VWA8: variants seen among roughly 807,000 people sequenced by gnomAD.
VWA8 encodes von Willebrand factor A domain-containing protein 8.
Under a neutral mutation model 241.5 loss-of-function variants are expected in VWA8, and 221 were observed. The observed-to-expected ratio is 0.91, with a 90% CI of 0.82 to 1.02. The LOEUF is 1.02. Among genes scored for constraint, VWA8 ranks in the 50% least tolerant of loss-of-function variants. VWA8 has a pLI of 0.00. For synonymous variants in VWA8, 852 were observed against 827.1 expected (o/e 1.03, Z -0.52); for missense variants, 2,322 against 2,328.7 (o/e 1.00, Z 0.06).
chr13:41,929,930 CA>C (rs569118025), intron 2 of VWA8, among the ~76,000 whole-genome samples: 223 of 152,094 alleles, frequency 1.5e-3, no homozygotes, highest in African/African-American at 5.1e-3. Context: ...AGAAAACAAT[CA>C]ACAAAATGAA....
chr13:41,907,783 C>A lies in VWA8; in HGVS notation c.373-87G>T, dbSNP rs565760993. 161 of 1,157,074 alleles carry A rather than the reference C, an allele frequency of 1.4e-4. No individual in the cohort carries two copies. In the African/African-American group the frequency reaches 2.1e-3, roughly 15 times the overall value. The allele number at this position is 1,157,074 out of a possible 1,614,324, so 71.7% of individuals were successfully genotyped here. On this transcript the variant is annotated intron_variant, in intron 3 of 44. Transcript: ENST00000379310. ...AACTAGTTATCTGACAATGCCATTG[C>A]CCATGAGAAGTGCATTGTTAAACCT...
chr13:41,632,217 T>C (rs1242373481), intron 37 of VWA8, among the ~76,000 whole-genome samples: 3 of 152,214 alleles, frequency 2.0e-5, no homozygotes, highest in Non-Finnish European at 1.5e-5. Context: ...CAATGATCTC[T>C]CATGGCATTT....
intron 26 of VWA8, among the ~76,000 whole-genome samples, chr13:41,717,874 C>T (rs1028262782): frequency 6.6e-6 from 1 of 151,958 alleles, no homozygotes; most frequent in Non-Finnish European, 1.5e-5. Flanking sequence ...TGTTTCTATC[C>T]CCTTGTAATG....
intron 37 of VWA8, among the ~76,000 whole-genome samples, chr13:41,648,198 T>G (rs1006288467): frequency 6.6e-6 from 1 of 152,176 alleles, no homozygotes; most frequent in Non-Finnish European, 1.5e-5. Flanking sequence ...ATCTGATCAC[T>G]GGTAATAATG....
At chr13:41,960,304 C>CT (rs1168938544) in intron 1 of VWA8, among the ~76,000 whole-genome samples, 2 of 152,162 alleles carry the variant, frequency 1.3e-5, no homozygotes, top group Admixed American at 1.3e-4. Context: ...ACTGTCAGCT[C>CT]TAAGAATTAC....
intron 2 of VWA8, chr13:41,927,373 A>T (rs1175953640): frequency 1.9e-6 from 1 of 520,290 alleles, no homozygotes; most frequent in Non-Finnish European, 3.9e-6. Flanking sequence ...TGCAAGTTGT[A>T]TAAGTCAAGC....
In VWA8 at chr13:41,710,120, C is replaced by T. The variant is rs181103913; in HGVS notation, c.3117-6709G>A. 3.9e-4 allele frequency among the ~76,000 whole-genome samples: 59 copies of T among 152,250 alleles called. 1 individual carries two copies. The highest frequency in any genetic ancestry group is 1.8e-4 in the Non-Finnish European group (12 of 68,016). ...ATATTATAACTGCCAACATTTTGAC[C>T]TACTTGTTTCTCATCTCAACGGCAA... On this transcript the variant is annotated intron_variant, in intron 26 of 44. Transcript: ENST00000379310.
At chr13:41,708,391 A>C (rs1039547638) in intron 26 of VWA8, among the ~76,000 whole-genome samples, 2 of 152,168 alleles carry the variant, frequency 1.3e-5, no homozygotes, top group African/African-American at 4.8e-5. Flanking sequence ...GTACTAAAAG[A>C]AAAAGCCAGC....
intron 21 of VWA8, among the ~76,000 whole-genome samples, chr13:41,747,611 C>T (rs953336434): frequency 1.3e-5 from 2 of 152,072 alleles, no homozygotes; most frequent in Admixed American, 1.3e-4. Flanking sequence ...GCCTGATTGC[C>T]CTGGCCAGAA....
chr13:41,801,045 T>G (rs989266915), intron 17 of VWA8, among the ~76,000 whole-genome samples: 9 of 152,158 alleles, frequency 5.9e-5, no homozygotes, highest in African/African-American at 2.2e-4. Context: ...TAATAAACAC[T>G]GCTAGCTTTC....
intron 43 of VWA8, among the ~76,000 whole-genome samples, chr13:41,571,549 C>A (rs1413521631): frequency 6.6e-6 from 1 of 152,174 alleles, no homozygotes; most frequent in Non-Finnish European, 1.5e-5. Flanking sequence ...GGGGTTTCGC[C>A]GTGTTGGCCG....
intron 8 of VWA8, among the ~76,000 whole-genome samples, chr13:41,883,799 G>A (rs1408759574): frequency 6.6e-6 from 1 of 152,032 alleles, no homozygotes; most frequent in Non-Finnish European, 1.5e-5. Context: ...CATTACATGT[G>A]ACTATATGAA....
At chr13:41,757,467 G>C (rs559687007) in intron 21 of VWA8, among the ~76,000 whole-genome samples, 2 of 151,682 alleles carry the variant, frequency 1.3e-5, no homozygotes, top group Admixed American at 6.6e-5. Flanking sequence ...TTAGATTTAG[G>C]GGGTACATGT....
chr13:41,891,925 T>A (rs1874866539), intron 4 of VWA8, among the ~76,000 whole-genome samples: 1 of 152,186 alleles, frequency 6.6e-6, no homozygotes, highest in South Asian at 2.1e-4. Context: ...AGGGCACAGA[T>A]TCCACAACTG....
chr13:41,604,540 A>G (rs2044541136), intron 40 of VWA8, among the ~76,000 whole-genome samples: 2 of 152,166 alleles, frequency 1.3e-5, no homozygotes, highest in African/African-American at 4.8e-5. Context: ...CTTAGCAAAA[A>G]TAATAAAACT....
At chr13:41,758,439 T>C (rs1299941134) in intron 21 of VWA8, among the ~76,000 whole-genome samples, 4 of 125,086 alleles carry the variant, frequency 3.2e-5, no homozygotes, top group Non-Finnish European at 6.8e-5. Flanking sequence ...TACGCTAGTA[T>C]ATATATTCCA....
intron 26 of VWA8, among the ~76,000 whole-genome samples, chr13:41,707,047 A>G (rs1203523731): frequency 6.6e-6 from 1 of 152,266 alleles, no homozygotes; most frequent in Non-Finnish European, 1.5e-5. Context: ...AGGATCTGGA[A>G]GTAAAAGTTT....
intron 17 of VWA8, among the ~76,000 whole-genome samples, chr13:41,797,440 A>G (rs886220496): frequency 6.6e-6 from 1 of 152,214 alleles, no homozygotes; most frequent in African/African-American, 2.4e-5. Context: ...CACTGGGTAT[A>G]AAGTCCATTA....
At chr13:41,958,569 A>C (rs770150407) in intron 1 of VWA8, among the ~76,000 whole-genome samples, 1 of 152,198 alleles carries the variant, frequency 6.6e-6, no homozygotes, top group Non-Finnish European at 1.5e-5. Flanking sequence ...GTAGTTTTAC[A>C]CTTGTCCATG....
Sources: gnomAD v4.1 joint callset for allele counts (sites outside exome capture counted in the v4.1 genomes callset) on GRCh38, gnomAD v4.1.1 for gene constraint, MANE v1.5 for transcripts, NCBI Gene and HGNC (gene_info 2026-07-23, HGNC 2026-07-21) for gene names.